The following EHBP1 variants were observed in gnomAD, a reference collection of about 807,000 sequenced individuals.
The protein encoded by EHBP1 is EH domain binding protein 1.
EHBP1 carries 55 observed loss-of-function variants against 144.0 expected under a neutral mutation model. The observed-to-expected ratio is 0.38, with a 90% CI of 0.31 to 0.48. The LOEUF is 0.48. Among genes scored for constraint, EHBP1 ranks in the 20% least tolerant of loss-of-function variants. The probability of loss-of-function intolerance (pLI) is 0.98; values close to 1 mark genes in which losing one functional copy is unlikely to be tolerated. For missense variants in EHBP1, 1,200 were observed against 1,364.2 expected, an observed-to-expected ratio of 0.88 and a Z score of 1.90; for synonymous variants, 469 against 472.7, an observed-to-expected ratio of 0.99 and a Z score of 0.10.
At chr2:62,949,338 G>C (rs1376386011) in intron 13 of EHBP1, among the ~76,000 whole-genome samples, 176 bp downstream of exon 13, 1 of 152,174 alleles carries the variant, frequency 6.6e-6, no homozygotes, top group Admixed American at 6.5e-5. Flanking sequence ...GGAGGCTGAG[G>C]AAAGAGGATT....
intron 19 of EHBP1, among the ~76,000 whole-genome samples, chr2:63,023,334 G>T (rs2060838158): frequency 6.6e-6 from 1 of 152,104 alleles, no homozygotes; most frequent in Admixed American, 6.5e-5. Context: ...AATCAAAATA[G>T]TGTGATTATT....
chr2:62,824,093 T>A lies in EHBP1; in HGVS notation c.313-1994T>A, dbSNP rs2046173155. 3.3e-5 allele frequency among the ~76,000 whole-genome samples: 5 copies of A among 152,066 alleles called. No homozygotes were observed. The South Asian group carries it at 1.0e-3, about 32-fold the overall frequency. ...CATGAACCTGAGTTCAGCAGAAAAA[T>A]TTTTCTACATACTTTTTATTCTAAA... On this transcript the variant is annotated intron_variant, in intron 5 of 22. Coordinates refer to ENST00000431489, the MANE Select transcript of EHBP1 (RefSeq NM_001142616.3).
chr2:62,809,305 A>C (rs142840793), intron 5 of EHBP1, among the ~76,000 whole-genome samples: 11 of 148,640 alleles, frequency 7.4e-5, no homozygotes, highest in South Asian at 2.1e-4. Flanking sequence ...AAAAAAAAAA[A>C]AAAAAAAAAA....
intron 5 of EHBP1, among the ~76,000 whole-genome samples, chr2:62,816,045 C>T (rs1007339779): frequency 6.6e-6 from 1 of 152,058 alleles, no homozygotes; most frequent in Admixed American, 6.6e-5. Context: ...TGTTGAGTTT[C>T]GGTATAAAAT....
chr2:62,884,754 C>G (rs1018633708), intron 10 of EHBP1, among the ~76,000 whole-genome samples: 3 of 152,166 alleles, frequency 2.0e-5, no homozygotes, highest in African/African-American at 7.2e-5. Flanking sequence ...ACTTACTCAT[C>G]ACAGGAATAT....
intron 10 of EHBP1, among the ~76,000 whole-genome samples, chr2:62,923,310 G>T (rs761711544): frequency 6.6e-6 from 1 of 152,146 alleles, no homozygotes; most frequent in East Asian, 1.9e-4. Flanking sequence ...CTTGCCCAGG[G>T]TGAACCTACC....
intron 6 of EHBP1, 160 bp downstream of exon 6, chr2:62,826,428 T>C (rs2046351123): frequency 5.3e-6 from 3 of 569,866 alleles, no homozygotes; most frequent in South Asian, 6.9e-5. Context: ...TTGTTACTTA[T>C]AAATAGTCTC....
chr2:62,811,252 TG>T (rs2044981430), intron 5 of EHBP1, among the ~76,000 whole-genome samples: 1 of 152,202 alleles, frequency 6.6e-6, no homozygotes, highest in South Asian at 2.1e-4. Flanking sequence ...TAAGTCTTTT[TG>T]GTTGAGAGAG....
chr2:62,849,653 T>C (rs1344001086), intron 7 of EHBP1, among the ~76,000 whole-genome samples: 2 of 152,220 alleles, frequency 1.3e-5, no homozygotes, highest in African/African-American at 2.4e-5. Flanking sequence ...ATATTTTATA[T>C]CCTCCTGCCT....
intron 15 of EHBP1, among the ~76,000 whole-genome samples, chr2:62,982,349 A>T (rs978598768): frequency 2.0e-5 from 3 of 152,154 alleles, no homozygotes; most frequent in Admixed American, 6.5e-5. Flanking sequence ...GTCTTGAACA[A>T]TATATGAATG....
intron 13 of EHBP1, 117 bp downstream of exon 13, chr2:62,949,279 A>G: frequency 1.1e-6 from 1 of 936,012 alleles, no homozygotes; most frequent in Non-Finnish European, 1.5e-6. Context: ...TTTCTATTAT[A>G]AAAACTCCTG....
intron 3 of EHBP1, among the ~76,000 whole-genome samples, chr2:62,753,474 T>C (rs1205042132): frequency 6.6e-6 from 1 of 152,180 alleles, no homozygotes; most frequent in Admixed American, 6.6e-5. Context: ...CTGACAATTA[T>C]ATGTCTTGGA....
chr2:62,964,272 T>C (rs1169790084), intron 14 of EHBP1, among the ~76,000 whole-genome samples: 3 of 152,164 alleles, frequency 2.0e-5, no homozygotes, highest in African/African-American at 7.2e-5. Flanking sequence ...TTGCCATGAA[T>C]GCATGAAGCT....
At chr2:62,859,670 G>T (rs978372611) in intron 8 of EHBP1, among the ~76,000 whole-genome samples, 7 of 152,136 alleles carry the variant, frequency 4.6e-5, no homozygotes, top group Non-Finnish European at 8.8e-5. Flanking sequence ...CTCTCTAGCC[G>T]AGATTCTCTA....
rs149605319 is a variant in EHBP1, at chr2:62,859,276, G to A, written c.742G>A (p.Asp248Asn). ...TGCTGCAGAATTAAATCCATTTGGA[G>A]ATCCTGACTCAGAAGGTAGCAAGTT... Reference protein sequence around the residue: ...PDAAELNPFGDPDSEEPITET... With the variant: ...PDAAELNPFGNPDSEEPITET... Residue 248 changes from aspartate to asparagine, a missense_variant, in exon 8 of 23, where the codon GAT (aspartate) becomes AAT (asparagine). This residue lies in a region of EHBP1 where 266 missense variants were observed against 262.4 expected (regional missense o/e 1.01). Coordinates refer to ENST00000431489, the MANE Select transcript of EHBP1 (RefSeq NM_001142616.3). 113 of 1,603,968 alleles carry A rather than the reference G, an allele frequency of 7.0e-5. 1 individual carries two copies. The highest frequency in any genetic ancestry group is 8.6e-5 in the Non-Finnish European group (101 of 1,173,296).
At chr2:62,756,768 C>CAAAAAAAAA (rs34717027) in intron 3 of EHBP1, among the ~76,000 whole-genome samples, 6 of 76,646 alleles carry the variant, frequency 7.8e-5, no homozygotes, top group African/African-American at 9.8e-5. Flanking sequence ...AACTCTATCT[C>CAAAAAAAAA]AAAAAAAAAA....
intron 5 of EHBP1, among the ~76,000 whole-genome samples, chr2:62,801,245 G>A (rs1424314330): frequency 6.6e-6 from 1 of 152,184 alleles, no homozygotes; most frequent in Non-Finnish European, 1.5e-5. Flanking sequence ...GATCACGATA[G>A]GGATAAAAGA....
Position 62,705,938 on chromosome 2 carries a change from G to T in EHBP1, c.-410G>T. ...CGTGGCTGGCTTGGCTGTTCCATGT[G>T]GCTCCGGCGGGGATGGAGGACTCGG... is the stretch of plus-strand genomic sequence containing the variant. On this transcript the variant is annotated 5_prime_UTR_variant, in exon 1 of 23. Transcript: ENST00000431489. 1 of 167,672 alleles carries T rather than the reference G, an allele frequency of 6.0e-6. No individual in the cohort carries two copies. The highest frequency in any genetic ancestry group is 1.1e-4 in the South Asian group (1 of 9,056). 10.4% of individuals were successfully genotyped at this position (167,672 alleles called of 1,614,324 possible).
Position 62,874,402 on chromosome 2 carries a change from C to T in EHBP1, c.1055C>T (p.Pro352Leu). Residue 352 changes from proline to leucine, a missense_variant, in exon 10 of 23, where the codon CCT becomes CTT. Physicochemically the swap from Pro to Leu is moderately conservative, Grantham distance 98. This residue lies in a region of EHBP1 where 266 missense variants were observed against 262.4 expected (regional missense o/e 1.01). Transcript: ENST00000431489. ...CCTCCTCCAAATAATTTGGTAAATCCTGTTCAAGAACTAGAAACTGAAAGG... is the reference window on the plus strand; with the variant it reads ...CCTCCTCCAAATAATTTGGTAAATCTTGTTCAAGAACTAGAAACTGAAAGG... ...STPPPNNLVNPVQELETERRV... is the reference protein window; with the variant it reads ...STPPPNNLVNLVQELETERRV... The T allele has an allele frequency of 6.2e-7, 1 of 1,613,038 alleles. No individual in the cohort carries two copies. Among genetic ancestry groups the T allele is most frequent in the Non-Finnish European group, 8.5e-7 (1 of 1,179,412 alleles).
Sources: gnomAD v4.1 joint callset for allele counts (sites outside exome capture counted in the v4.1 genomes callset) on GRCh38, gnomAD v4.1.1 for gene constraint, gnomAD v4.1.1 regional missense constraint, MANE v1.5 for transcripts, NCBI Gene and HGNC (gene_info 2026-07-23, HGNC 2026-07-21) for gene names.